The following G6PD variants were observed in gnomAD, a reference collection of about 807,000 sequenced individuals.
G6PD encodes glucose-6-phosphate dehydrogenase, also known as glucose-6-phosphate 1-dehydrogenase.
G6PD carries 2 observed loss-of-function variants against 38.2 expected under a neutral mutation model. That is an observed-to-expected ratio of 0.05 (90% CI 0.02 to 0.16). The LOEUF (loss-of-function observed/expected upper bound fraction) is 0.16, where lower values mean the gene tolerates loss of function less well. Among genes scored for constraint, G6PD ranks in the 10% least tolerant of loss-of-function variants. The pLI, the probability that G6PD is intolerant of heterozygous loss-of-function variation, is 1.00. For missense variants in G6PD, 310 were observed against 471.6 expected (o/e 0.66, Z 3.17); for synonymous variants, 188 against 196.0 (o/e 0.96, Z 0.34).
In G6PD at chrX:154,535,312, T is replaced by C. The variant is rs368618869; in HGVS notation, c.341A>G (p.Asp114Gly). The C allele has an allele frequency of 8.3e-7, 1 of 1,211,861 alleles. No individual in the cohort carries two copies. The highest frequency in any genetic ancestry group is 1.1e-6 in the Non-Finnish European group (1 of 895,460). Residue 114 changes from aspartate to glycine, a missense_variant, in exon 5 of 13, where the codon GAT (aspartate) becomes GGT (glycine). Asp to Gly is a moderately conservative substitution (Grantham distance 94, BLOSUM62 -1). Transcript: ENST00000393562. ...GTTGAGGCGCTGGTAGGAGGCTGCATCATCGTACTGGCCAGCCACATAGGA... is the reference window on the plus strand; with the variant it reads ...GTTGAGGCGCTGGTAGGAGGCTGCACCATCGTACTGGCCAGCCACATAGGA... The part of the protein sequence containing the change: ...RNSYVAGQYD[D>G]AASYQRLNSH...
rs782736785 is a variant in G6PD at position 154,545,604 on chromosome X, G to A, written c.120+432C>T. On this transcript the variant is annotated intron_variant, in intron 2 of 12. Transcript: ENST00000393562. Reference sequence around the variant, plus strand: ...CATCCCAGCACTTTGGGAGGCCGAGGCGGGCGGATCACTTGAGGTCAGGAG... The same window carrying A: ...CATCCCAGCACTTTGGGAGGCCGAGACGGGCGGATCACTTGAGGTCAGGAG... 244 of 164,182 alleles carry A rather than the reference G, an allele frequency of 1.5e-3. 1 individual carries two copies. Among genetic ancestry groups the A allele is most frequent in the Non-Finnish European group, 2.3e-3 (196 of 86,547 alleles). The allele number at this position is 164,182 out of a possible 1,213,427, so 13.5% of individuals were successfully genotyped here.
chrX:154,540,650 A>AC (rs1195664268), intron 2 of G6PD, among the ~76,000 whole-genome samples: 1 of 107,830 alleles, frequency 9.3e-6, no homozygotes, highest in Non-Finnish European at 1.9e-5. Context: ...AAAAAAAAAA[A>AC]AAAAAACACA....
rs200729823 is a variant in G6PD at position 154,532,338 on chromosome X, G to A, written c.1364+48C>T. The stretch of plus-strand genomic sequence containing the variant: ...TGGCACACAGGGAGGGAGGGCAAAG[G>A]CCACCCCATAGCCCACAGGTATGCA... On this transcript the variant is annotated intron_variant, in intron 11 of 12. Coordinates refer to ENST00000393562, the MANE Select transcript of G6PD (RefSeq NM_001360016.2). 2.0e-4 allele frequency: 239 copies of A among 1,207,217 alleles called. 1 individual carries two copies. In the East Asian group the frequency reaches 5.9e-3, roughly 30 times the overall value.
chrX:154,533,419 C>A, intron 8 of G6PD, 157 bp downstream of exon 8: 1 of 630,852 alleles, frequency 1.6e-6, no homozygotes. Context: ...TCATGACTGC[C>A]AGTCCAGGTC....
chrX:154,545,905 G>A, intron 2 of G6PD, 131 bp downstream of exon 2: 1 of 782,524 alleles, frequency 1.3e-6, no homozygotes, highest in Non-Finnish European at 1.9e-6. Context: ...TGATCCTGGC[G>A]CACTAGCAGG....
Position 154,546,846 on chromosome X carries a change from C to T in G6PD, c.-66G>A. ...CAGCCCCGAAGTGTACGACCGTTTCCGGGGGCTGAGCCCCGCCGGCCCATT... is the reference window on the plus strand; with the variant it reads ...CAGCCCCGAAGTGTACGACCGTTTCTGGGGGCTGAGCCCCGCCGGCCCATT... On this transcript the variant is annotated 5_prime_UTR_variant, in exon 1 of 13. Transcript: ENST00000393562. 1 of 1,133,199 alleles carries T rather than the reference C, an allele frequency of 8.8e-7. No individual in the cohort carries two copies. 93.4% of individuals were successfully genotyped at this position (1,133,199 alleles called of 1,213,427 possible). A position where few individuals can be genotyped will look rare whatever the true frequency, so the allele number is the denominator to read the frequency against.
chrX:154,545,021 A>C (rs782162162), intron 2 of G6PD, among the ~76,000 whole-genome samples: 21 of 111,990 alleles, frequency 1.9e-4, no homozygotes, highest in African/African-American at 6.8e-4. Context: ...TCCAGGGTTA[A>C]AAGTGAAAAC....
chrX:154,543,873 T>A (rs1167776248), intron 2 of G6PD, among the ~76,000 whole-genome samples: 4 of 106,541 alleles, frequency 3.8e-5, no homozygotes, highest in East Asian at 2.9e-4. Flanking sequence ...TTTGTTATTT[T>A]TTTTTTTTTT....
intron 2 of G6PD, among the ~76,000 whole-genome samples, chrX:154,540,554 C>T (rs1395898065): frequency 9.6e-6 from 1 of 104,236 alleles, no homozygotes. Flanking sequence ...AGGAGAATCA[C>T]TTGAATCCAG....
chrX:154,542,682 C>T (rs1171914248), intron 2 of G6PD, among the ~76,000 whole-genome samples: 1 of 111,998 alleles, frequency 8.9e-6, no homozygotes, highest in Non-Finnish European at 1.9e-5. Context: ...CAGCCACTTG[C>T]CTGCTTTCAG....
At chrX:154,538,592 G>A (rs1335438630) in intron 2 of G6PD, among the ~76,000 whole-genome samples, 1 of 111,735 alleles carries the variant, frequency 8.9e-6, no homozygotes, top group South Asian at 3.7e-4. Flanking sequence ...AGCAGAGGGG[G>A]AATGCAAGGG....
rs782143230 is a variant in G6PD, at chrX:154,535,976, T to A, written c.228A>T (p.Thr76=). Residue 76 remains threonine (T), a synonymous_variant, in exon 4 of 13, where the codon ACA becomes ACT. Coordinates refer to ENST00000393562, the MANE Select transcript of G6PD (RefSeq NM_001360016.2). ...CACTCTGTTTGCGGATGTCAGCCAC[T>A]GTGAGGCGGGAACGGGCATAGCCCA... is the stretch of plus-strand genomic sequence containing the variant. The part of the protein sequence containing the change: ...FIVGYARSRL[T]VADIRKQSEP... The A allele has an allele frequency of 8.3e-7, 1 of 1,210,101 alleles. No individual in the cohort carries two copies. The highest frequency in any genetic ancestry group is 1.1e-6 in the Non-Finnish European group (1 of 895,078).
intron 2 of G6PD, among the ~76,000 whole-genome samples, chrX:154,536,547 A>G (rs1231144737): frequency 3.5e-5 from 4 of 112,684 alleles, no homozygotes; most frequent in Non-Finnish European, 5.6e-5. Flanking sequence ...AAGAAGTGAG[A>G]AAAAGGGCCA....
Position 154,534,141 on chromosome X carries a change from C to T in G6PD, c.664G>A (p.Gly222Ser), listed in dbSNP as rs956909755. The T allele has an allele frequency of 3.3e-6, 4 of 1,211,828 alleles. No homozygotes were observed. The highest frequency in any genetic ancestry group is 3.0e-5 in the East Asian group (1 of 33,845). The change falls in exon 7 of 13, where the codon GGC (glycine) becomes AGC (serine). Residue 222 changes from glycine (G) to serine (S), a missense_variant. Physicochemically the swap from Gly to Ser is moderately conservative, Grantham distance 56 (BLOSUM62 0). This residue lies in a region of G6PD where 168 missense variants were observed against 309.2 expected (regional missense o/e 0.54). Coordinates refer to ENST00000393562, the MANE Select transcript of G6PD (RefSeq NM_001360016.2). ...ATGTTGTCCCGGTTCCAGATGGGGC[C>T]GAAGATCCTGTTGGCAAATCTGCAG... is the stretch of plus-strand genomic sequence containing the variant. ...MVLRFANRIFGPIWNRDNIAC... is the reference protein window; with the variant it reads ...MVLRFANRIFSPIWNRDNIAC...
At chrX:154,543,530 T>C (rs1167513731) in intron 2 of G6PD, among the ~76,000 whole-genome samples, 3 of 112,008 alleles carry the variant, frequency 2.7e-5, no homozygotes, top group Non-Finnish European at 5.6e-5. Context: ...AAGCTATCAT[T>C]GTGGCCTGGG....
intron 2 of G6PD, among the ~76,000 whole-genome samples, chrX:154,539,421 C>T (rs887051706): frequency 2.1e-4 from 24 of 111,906 alleles, no homozygotes; most frequent in Non-Finnish European, 4.1e-4. Context: ...GAATGGGTAC[C>T]CAGGAACTTT....
intron 2 of G6PD, chrX:154,542,119 ACAT>A: frequency 2.3e-6 from 1 of 431,512 alleles, no homozygotes; most frequent in Non-Finnish European, 3.9e-6. Flanking sequence ...GGGAGTGCCA[ACAT>A]CATCATGACA....
rs1557230391 is a variant in G6PD at position 154,534,458 on chromosome X, C to T, written c.524G>A (p.Arg175Lys). Residue 175 changes from arginine (R) to lysine (K), a missense_variant, in exon 6 of 13, where the codon AGG becomes AAG. By Grantham distance (26) the Arg-to-Lys change is conservative. Coordinates refer to ENST00000393562, the MANE Select transcript of G6PD (RefSeq NM_001360016.2). ...CAGCCGGTCAGAGCTCTGCAGGTCC[C>T]TCCCGAAGGGCTTCTCCACGATGAT... ...NRIIVEKPFG[R>K]DLQSSDRLSN... 8.3e-7 allele frequency: 1 copy of T among 1,211,806 alleles called. No homozygotes were observed. The highest frequency in any genetic ancestry group is 2.2e-5 in the Admixed American group (1 of 46,111).
At chrX:154,537,301 G>A (rs1176329599) in intron 2 of G6PD, among the ~76,000 whole-genome samples, 8 of 110,628 alleles carry the variant, frequency 7.2e-5, no homozygotes, top group African/African-American at 2.3e-4. Flanking sequence ...GTGAAACTCC[G>A]TCTCAAAAAA....
Sources: allele counts gnomAD v4.1 joint callset (sites outside exome capture counted in the v4.1 genomes callset), GRCh38; gene constraint gnomAD v4.1.1; regional missense constraint gnomAD v4.1.1; transcripts MANE v1.5; gene names NCBI Gene and HGNC (gene_info 2026-07-23, HGNC 2026-07-21).